The following ESR2 variants were observed in gnomAD, a reference collection of about 807,000 sequenced individuals.
The protein encoded by ESR2 is estrogen receptor beta.
In ESR2, 36 loss-of-function variants were observed where a neutral mutation model predicts 49.6. The observed-to-expected ratio is 0.73, with a 90% CI of 0.56 to 0.96. The LOEUF is 0.96. ESR2 is among the 40% of genes least tolerant of loss of function. The pLI is 0.00. For missense variants in ESR2, 714 were observed against 693.0 expected, an observed-to-expected ratio of 1.03 and a Z score of -0.34; for synonymous variants, 320 against 266.1, an observed-to-expected ratio of 1.20 and a Z score of -1.97.
At chr14:64,240,674 G>A (rs1042721116) in intron 7 of ESR2, among the ~76,000 whole-genome samples, 2 of 152,166 alleles carry the variant, frequency 1.3e-5, no homozygotes, top group African/African-American at 4.8e-5. Flanking sequence ...TTTGCATTCA[G>A]TAGAAACTGT....
At chr14:64,241,077 C>T (rs890337131) in intron 7 of ESR2, among the ~76,000 whole-genome samples, 23 of 139,670 alleles carry the variant, frequency 1.6e-4, no homozygotes, top group African/African-American at 3.8e-4. Flanking sequence ...ACCCTGGAGG[C>T]GGAGCTTGCA....
chr14:64,296,273 AT>A (rs1567786885), upstream of ESR2, among the ~76,000 whole-genome samples: 3 of 152,130 alleles, frequency 2.0e-5, no homozygotes, highest in Admixed American at 2.0e-4. Context: ...TCAGTGAGAT[AT>A]TGACTCCACT....
At chr14:64,322,045 A>C (rs188859720) in intron 1 of ESR2, among the ~76,000 whole-genome samples, 1 of 151,854 alleles carries the variant, frequency 6.6e-6, no homozygotes, top group Non-Finnish European at 1.5e-5. Context: ...TTAATCTATA[A>C]TAAAAATAAA....
upstream of ESR2, among the ~76,000 whole-genome samples, chr14:64,298,061 T>C (rs1345659860): frequency 2.0e-5 from 3 of 151,308 alleles, no homozygotes; most frequent in Non-Finnish European, 4.4e-5. Flanking sequence ...GATTACTAAT[T>C]AATATGTCAG....
chr14:64,257,327 G>C lies in ESR2; in HGVS notation c.990C>G (p.Leu330=), dbSNP rs141414270. The change falls in exon 6 of 9, where the codon CTC becomes CTG. Residue 330 remains leucine (L), a synonymous_variant. Coordinates refer to ENST00000341099, the MANE Select transcript of ESR2 (RefSeq NM_001437.3). ...VELSLFDQVR[L]LESCWMEVLM... ...ACACCTCCATCCAACAGCTCTCCAA[G>C]AGCCGCACTTGGTCGAACAGGCTGA... 9 of 1,613,602 alleles carry C rather than the reference G, an allele frequency of 5.6e-6. No individual in the cohort carries two copies. The African/African-American group carries it at 1.1e-4, about 19-fold the overall frequency.
At chr14:64,235,674 C>T (rs962349652) in intron 7 of ESR2, among the ~76,000 whole-genome samples, 1 of 152,190 alleles carries the variant, frequency 6.6e-6, no homozygotes, top group African/African-American at 2.4e-5. Flanking sequence ...GCTTGAGTGG[C>T]ACCTGGCTGG....
chr14:64,337,711 T>A (rs1435617549), intron 1 of ESR2, among the ~76,000 whole-genome samples: 2 of 152,182 alleles, frequency 1.3e-5, no homozygotes, highest in Non-Finnish European at 2.9e-5. Context: ...TCTAATTCCA[T>A]ATGTGGGACT....
chr14:64,228,757 C>T lies in ESR2; in HGVS notation c.*4380G>A, dbSNP rs1216478747. 2.0e-5 allele frequency among the ~76,000 whole-genome samples: 3 copies of T among 152,184 alleles called. No homozygotes were observed. The highest frequency in any genetic ancestry group is 2.9e-5 in the Non-Finnish European group (2 of 68,030). On this transcript the variant is annotated 3_prime_UTR_variant, in exon 9 of 9. Coordinates refer to ENST00000341099, the MANE Select transcript of ESR2 (RefSeq NM_001437.3). ...AAACCCACCACCAGTTTACCAGTGG[C>T]TGGCCCTACAAGTGAATAGGATCCT...
At chr14:64,261,237 T>C (rs1423182866) in intron 4 of ESR2, among the ~76,000 whole-genome samples, 2 of 97,200 alleles carry the variant, frequency 2.1e-5, no homozygotes, top group Non-Finnish European at 2.2e-5. Context: ...TTTTTCTTTT[T>C]TCTTTTTTTT....
intron 4 of ESR2, among the ~76,000 whole-genome samples, chr14:64,265,952 G>A (rs1398083739): frequency 1.3e-5 from 2 of 152,188 alleles, no homozygotes; most frequent in Non-Finnish European, 2.9e-5. Flanking sequence ...TGATGGGAAA[G>A]GAGAGAGACA....
intron 6 of ESR2, among the ~76,000 whole-genome samples, chr14:64,254,619 G>A (rs570034344): frequency 6.6e-5 from 10 of 151,300 alleles, no homozygotes; most frequent in African/African-American, 1.7e-4. Context: ...TTGGCCAGCC[G>A]TAGTGGCACA....
At chr14:64,271,609 A>G (rs998895092) in intron 3 of ESR2, among the ~76,000 whole-genome samples, 2 of 152,212 alleles carry the variant, frequency 1.3e-5, no homozygotes, top group Non-Finnish European at 2.9e-5. Context: ...TACAGGCATG[A>G]GGCACTGCAA....
intron 1 of ESR2, among the ~76,000 whole-genome samples, chr14:64,292,973 G>A (rs1398487378): frequency 1.3e-5 from 2 of 152,112 alleles, no homozygotes; most frequent in Non-Finnish European, 2.9e-5. Context: ...GCATCTGATG[G>A]CTTTTAAAAT....
intron 4 of ESR2, among the ~76,000 whole-genome samples, chr14:64,267,276 G>T (rs1446867170): frequency 2.6e-5 from 4 of 152,206 alleles, no homozygotes; most frequent in African/African-American, 9.6e-5. Flanking sequence ...AACAATTACA[G>T]TGAGTAGAAA....
chr14:64,285,826 CAA>C (rs10559131), intron 1 of ESR2, among the ~76,000 whole-genome samples: 54,688 of 99,370 alleles, frequency 0.55, 11,438 homozygotes, highest in African/African-American at 0.69. Flanking sequence ...GACTCTGTCT[CAA>C]AAAAAAAAAA....
intron 7 of ESR2, among the ~76,000 whole-genome samples, chr14:64,237,265 C>A (rs778713094): frequency 6.6e-5 from 10 of 152,056 alleles, no homozygotes; most frequent in Non-Finnish European, 1.3e-4. Context: ...CGGCCAGACC[C>A]TTATTTTTTT....
At chr14:64,305,855 T>C (rs2077089367) in intron 1 of ESR2, among the ~76,000 whole-genome samples, 1 of 152,192 alleles carries the variant, frequency 6.6e-6, no homozygotes. Context: ...CCTCAGCTTC[T>C]GTGCATAGCA....
intron 8 of ESR2, chr14:64,233,957 C>G (rs1596362773): frequency 6.6e-6 from 1 of 152,452 alleles, no homozygotes. Flanking sequence ...ACTAAGTAGA[C>G]CAAGTAAAGG....
intron 1 of ESR2, among the ~76,000 whole-genome samples, chr14:64,300,714 C>T (rs1454919241): frequency 6.6e-6 from 1 of 152,134 alleles, no homozygotes; most frequent in Admixed American, 6.5e-5. Flanking sequence ...TAAGATCACA[C>T]CACTGCACTT....
Sources: allele counts gnomAD v4.1 joint callset (sites outside exome capture counted in the v4.1 genomes callset), GRCh38; gene constraint gnomAD v4.1.1; transcripts MANE v1.5; gene names NCBI Gene and HGNC (gene_info 2026-07-23, HGNC 2026-07-21).